MANBAL: variants seen among roughly 807,000 people sequenced by gnomAD.
MANBAL encodes protein MANBAL.
Under a neutral mutation model 6.4 loss-of-function variants are expected in MANBAL, and 1 was observed. The observed-to-expected ratio is 0.16, with a 90% confidence interval of 0.06 to 0.74. MANBAL has a LOEUF of 0.74. MANBAL is among the 30% of genes least tolerant of loss of function. MANBAL has a pLI of 0.78. For synonymous variants in MANBAL, 47 were observed against 45.8 expected, an observed-to-expected ratio of 1.03 and a Z score of -0.10; for missense variants, 100 against 107.8, an observed-to-expected ratio of 0.93 and a Z score of 0.32.
At chr20:37,300,325 T>G (rs2069105151) in intron 1 of MANBAL, among the ~76,000 whole-genome samples, 1 of 152,188 alleles carries the variant, frequency 6.6e-6, no homozygotes, top group South Asian at 2.1e-4. Context: ...TTCCCTCAGA[T>G]ACACAAATGG....
chr20:37,291,169 C>CT (rs1457981760), intron 1 of MANBAL, among the ~76,000 whole-genome samples: 2 of 152,058 alleles, frequency 1.3e-5, no homozygotes, highest in African/African-American at 4.8e-5. Context: ...TTGACCCATT[C>CT]TTTTTTTCCC....
At chr20:37,313,365 C>T (rs549641829) in intron 2 of MANBAL, among the ~76,000 whole-genome samples, 95 of 136,564 alleles carry the variant, frequency 7.0e-4, no homozygotes, top group Middle Eastern at 6.4e-3. Context: ...AGCGAGACTC[C>T]GTCTCAAAAA....
At chr20:37,294,906 C>A (rs2068958318) in intron 1 of MANBAL, among the ~76,000 whole-genome samples, 1 of 152,204 alleles carries the variant, frequency 6.6e-6, no homozygotes, top group South Asian at 2.1e-4. Context: ...CAGTGTCTGG[C>A]ATTCAGGGGT....
At chr20:37,314,062 G>A (rs1023063585) in intron 2 of MANBAL, among the ~76,000 whole-genome samples, 6 of 152,172 alleles carry the variant, frequency 3.9e-5, no homozygotes, top group African/African-American at 1.4e-4. Flanking sequence ...AGTTCCTTTC[G>A]TGGGTGCATG....
At chr20:37,304,438 T>G (rs1405945234) in intron 2 of MANBAL, among the ~76,000 whole-genome samples, 1 of 152,228 alleles carries the variant, frequency 6.6e-6, no homozygotes, top group East Asian at 1.9e-4. Flanking sequence ...TTAACAGTTG[T>G]TATTAGTTTA....
intron 2 of MANBAL, among the ~76,000 whole-genome samples, chr20:37,314,105 A>G (rs2069449265): frequency 6.6e-6 from 1 of 152,196 alleles, no homozygotes; most frequent in African/African-American, 2.4e-5. Context: ...CACTTTGCTT[A>G]GCTGTGGGCG....
chr20:37,314,385 C>G (rs1212607896), intron 2 of MANBAL, among the ~76,000 whole-genome samples: 1 of 152,186 alleles, frequency 6.6e-6, no homozygotes, highest in Non-Finnish European at 1.5e-5. Context: ...ATGGTTGAGG[C>G]TCTAGAGACA....
intron 2 of MANBAL, among the ~76,000 whole-genome samples, chr20:37,301,636 A>G (rs915839362): frequency 5.9e-5 from 9 of 152,096 alleles, no homozygotes; most frequent in African/African-American, 2.2e-4. Context: ...TACATTTCAG[A>G]CTCTGCTGAA....
At chr20:37,292,789 C>A (rs2068902600) in intron 1 of MANBAL, among the ~76,000 whole-genome samples, 1 of 152,208 alleles carries the variant, frequency 6.6e-6, no homozygotes, top group South Asian at 2.1e-4. Context: ...CACTTTCTTT[C>A]TATTCCAGAC....
intron 2 of MANBAL, among the ~76,000 whole-genome samples, chr20:37,314,302 G>A (rs1600924261): frequency 6.6e-6 from 1 of 152,100 alleles, no homozygotes; most frequent in African/African-American, 2.4e-5. Flanking sequence ...TTAAGTTGGA[G>A]GTGCCTTGGA....
intron 2 of MANBAL, among the ~76,000 whole-genome samples, chr20:37,315,610 T>C (rs2069494196): frequency 6.6e-6 from 1 of 152,206 alleles, no homozygotes; most frequent in African/African-American, 2.4e-5. Flanking sequence ...ATGAAATAGA[T>C]TGAAAATCAG....
At chr20:37,294,113 A>G (rs1332212367) in intron 1 of MANBAL, among the ~76,000 whole-genome samples, 6 of 152,326 alleles carry the variant, frequency 3.9e-5, no homozygotes, top group Middle Eastern at 3.4e-3. Context: ...AAATATTTGC[A>G]TACATTAAAC....
chr20:37,301,416 G>C lies in MANBAL; in HGVS notation c.150+3G>C. 6.2e-7 allele frequency: 1 copy of C among 1,610,138 alleles called. No homozygotes were observed. Among genetic ancestry groups the C allele is most frequent in the Non-Finnish European group, 8.5e-7 (1 of 1,177,584 alleles). ...CCATTCCCAAGTCCCACGAGGCGGT[G>C]AGTTTTTCCCTGGGAGCCTCAGCTC... On this transcript the variant is annotated splice_donor_region_variant and intron_variant, in intron 2 of 2. Coordinates refer to ENST00000373606, the MANE Select transcript of MANBAL (RefSeq NM_001003897.2).
intron 2 of MANBAL, among the ~76,000 whole-genome samples, chr20:37,303,729 C>T (rs2069193556): frequency 6.6e-6 from 1 of 152,188 alleles, no homozygotes; most frequent in South Asian, 2.1e-4. Context: ...TGGATACCCA[C>T]AGGAAGGATT....
intron 2 of MANBAL, among the ~76,000 whole-genome samples, chr20:37,305,149 C>T (rs1030592316): frequency 1.6e-4 from 25 of 152,192 alleles, no homozygotes; most frequent in African/African-American, 5.5e-4. Context: ...ACAATTGTAT[C>T]GCATTTTAAA....
intron 2 of MANBAL, among the ~76,000 whole-genome samples, chr20:37,303,548 T>C (rs1025285270): frequency 6.6e-6 from 1 of 152,218 alleles, no homozygotes; most frequent in Non-Finnish European, 1.5e-5. Flanking sequence ...CAAAATGATG[T>C]ATCTGCTAGA....
chr20:37,309,841 AAC>A (rs879346407), intron 2 of MANBAL, among the ~76,000 whole-genome samples: 8 of 152,036 alleles, frequency 5.3e-5, no homozygotes, highest in Non-Finnish European at 1.0e-4. Flanking sequence ...ACCCATTCTC[AAC>A]ACCTCAGGAC....
At chr20:37,307,230 T>C (rs531893994) in intron 2 of MANBAL, among the ~76,000 whole-genome samples, 2 of 152,248 alleles carry the variant, frequency 1.3e-5, no homozygotes, top group South Asian at 4.2e-4. Flanking sequence ...CCTCCCAAAG[T>C]GATGGGATTA....
At chr20:37,305,856 A>G (rs150303956) in intron 2 of MANBAL, among the ~76,000 whole-genome samples, 45 of 152,162 alleles carry the variant, frequency 3.0e-4, no homozygotes, top group African/African-American at 1.1e-3. Context: ...GAAACTCCTA[A>G]CTAGATAGAA....
Sources: allele counts gnomAD v4.1 joint callset (sites outside exome capture counted in the v4.1 genomes callset), GRCh38; gene constraint gnomAD v4.1.1; transcripts MANE v1.5; gene names NCBI Gene and HGNC (gene_info 2026-07-23, HGNC 2026-07-21).